DCDC2: variants seen among roughly 807,000 people sequenced by gnomAD.
The protein encoded by DCDC2 is doublecortin domain-containing protein 2.
A neutral mutation model predicts 50.2 loss-of-function variants in DCDC2; 40 were observed. That is an observed-to-expected ratio of 0.80 (90% CI 0.62 to 1.04). The LOEUF (loss-of-function observed/expected upper bound fraction) is 1.04. DCDC2 is among the 50% of genes least tolerant of loss of function. DCDC2 has a pLI of 0.00. For missense variants in DCDC2, 570 were observed against 581.9 expected (o/e 0.98, Z 0.21); for synonymous variants, 234 against 210.6 (o/e 1.11, Z -0.96).
the DCDC2 span, among the ~76,000 whole-genome samples, chr6:24,381,047 A>C: frequency 3.3e-5 from 5 of 151,646 alleles, no homozygotes; most frequent in Non-Finnish European, 7.4e-5. Flanking sequence ...ACACCACTGC[A>C]CTGCAGCCTG....
chr6:24,325,655 C>A (rs12211069), intron 2 of DCDC2, among the ~76,000 whole-genome samples: 1 of 148,940 alleles, frequency 6.7e-6, no homozygotes, highest in Non-Finnish European at 1.5e-5. Context: ...ATAGCAGGTG[C>A]AGTGGATTTT....
In DCDC2 at chr6:24,328,457, T is replaced by C. The variant is rs559969758; in HGVS notation, c.348+25112A>G. Among the ~76,000 whole-genome samples, 18 of 152,336 alleles carry C rather than the reference T, an allele frequency of 1.2e-4. No homozygotes were observed. In the South Asian group the frequency reaches 3.1e-3, roughly 26 times the overall value. On this transcript the variant is annotated intron_variant, in intron 2 of 9. Coordinates refer to ENST00000378454, the MANE Select transcript of DCDC2 (RefSeq NM_016356.5). The stretch of plus-strand genomic sequence containing the variant: ...TCTTAGGGCACAGGGGGAGTTTGTA[T>C]AGTTTGAATGTCCCAAGAGTTGAGA...
At chr6:24,185,015 A>G (rs937777959) in intron 8 of DCDC2, among the ~76,000 whole-genome samples, 11 of 152,214 alleles carry the variant, frequency 7.2e-5, no homozygotes, top group Non-Finnish European at 1.6e-4. Flanking sequence ...AATCACACCT[A>G]AATAAGAAAA....
intron 2 of DCDC2, among the ~76,000 whole-genome samples, chr6:24,333,362 C>T (rs186542346): frequency 1.4e-4 from 22 of 152,224 alleles, no homozygotes; most frequent in Admixed American, 8.5e-4. Context: ...AAAGGTATGA[C>T]GACCCCAGAA....
At chr6:24,272,095 G>A (rs909194285) in intron 7 of DCDC2, among the ~76,000 whole-genome samples, 4 of 151,868 alleles carry the variant, frequency 2.6e-5, no homozygotes, top group African/African-American at 4.8e-5. Context: ...AATCCTTTTC[G>A]AAAAAGGGCT....
intron 2 of DCDC2, among the ~76,000 whole-genome samples, chr6:24,311,260 T>A (rs1463617791): frequency 1.3e-5 from 2 of 152,194 alleles, no homozygotes; most frequent in East Asian, 1.9e-4. Context: ...AAAATGCAAA[T>A]CATTTTGTCT....
intron 2 of DCDC2, among the ~76,000 whole-genome samples, chr6:24,330,895 G>C (rs896841170): frequency 2.6e-5 from 4 of 152,162 alleles, no homozygotes; most frequent in Non-Finnish European, 5.9e-5. Flanking sequence ...TTAGAAACTA[G>C]GCATTTTTAT....
intron 8 of DCDC2, among the ~76,000 whole-genome samples, chr6:24,194,437 A>G (rs1173797942): frequency 1.3e-5 from 2 of 152,190 alleles, no homozygotes; most frequent in East Asian, 3.8e-4. Flanking sequence ...TACAAATAGG[A>G]AAAGCAATAA....
chr6:24,357,296 T>C (rs1302363927), intron 1 of DCDC2, 162 bp downstream of exon 1: 3 of 775,388 alleles, frequency 3.9e-6, no homozygotes. Context: ...TGTCAACCTC[T>C]ACCCCCCAAC....
rs982051900 is a variant in DCDC2, at chr6:24,310,603, T to C, written c.349-8559A>G. On this transcript the variant is annotated intron_variant, in intron 2 of 9. Coordinates refer to ENST00000378454, the MANE Select transcript of DCDC2 (RefSeq NM_016356.5). ...CATGCCATGTTGTTTATGACCAACA[T>C]CATTTTGCCAATGACAACCAAATCC... is the stretch of plus-strand genomic sequence containing the variant. Among the ~76,000 whole-genome samples the C allele has an allele frequency of 5.3e-5, 8 of 152,302 alleles. No individual in the cohort carries two copies. In the Middle Eastern group the frequency reaches 0.01, roughly 194 times the overall value.
At chr6:24,323,727 C>A (rs192750763) in intron 2 of DCDC2, among the ~76,000 whole-genome samples, 1 of 152,156 alleles carries the variant, frequency 6.6e-6, no homozygotes, top group East Asian at 1.9e-4. Context: ...AAAACTACCA[C>A]CTGAGGCAAC....
chr6:24,245,726 A>G (rs1762656325), intron 7 of DCDC2, among the ~76,000 whole-genome samples: 1 of 152,254 alleles, frequency 6.6e-6, no homozygotes, highest in South Asian at 2.1e-4. Context: ...GAACAGTAGA[A>G]AGAACAATTT....
chr6:24,352,078 T>C (rs1760383650), intron 2 of DCDC2, among the ~76,000 whole-genome samples: 1 of 152,172 alleles, frequency 6.6e-6, no homozygotes, highest in African/African-American at 2.4e-5. Flanking sequence ...CACTCCAGCC[T>C]GGGTGACAGA....
chr6:24,224,370 C>A (rs1363474447), intron 7 of DCDC2, among the ~76,000 whole-genome samples: 3 of 152,208 alleles, frequency 2.0e-5, no homozygotes, highest in African/African-American at 7.2e-5. Flanking sequence ...ACTGGGCACA[C>A]TATGTGTTCT....
chr6:24,265,914 T>C (rs1487537831), intron 7 of DCDC2, among the ~76,000 whole-genome samples: 4 of 149,874 alleles, frequency 2.7e-5, no homozygotes, highest in Non-Finnish European at 5.9e-5. Flanking sequence ...ATAAATGAAA[T>C]TGAAACAAAA....
intron 2 of DCDC2, among the ~76,000 whole-genome samples, chr6:24,320,291 T>C (rs1759747834): frequency 6.6e-6 from 1 of 152,140 alleles, no homozygotes; most frequent in South Asian, 2.1e-4. Flanking sequence ...ACTGGAGGTA[T>C]CAGTACAAAC....
intron 7 of DCDC2, among the ~76,000 whole-genome samples, chr6:24,267,790 C>T (rs1763156721): frequency 6.6e-6 from 1 of 152,206 alleles, no homozygotes; most frequent in African/African-American, 2.4e-5. Context: ...GGAACCCTTG[C>T]ACTGTACACT....
At chr6:24,356,907 A>G (rs1466846141) in intron 1 of DCDC2, 2 of 152,446 alleles carry the variant, frequency 1.3e-5, no homozygotes, top group African/African-American at 2.4e-5. Context: ...TTCCTGCATT[A>G]TGCTAACAGC....
intron 8 of DCDC2, among the ~76,000 whole-genome samples, chr6:24,182,128 G>C (rs1761086745): frequency 6.6e-6 from 1 of 152,182 alleles, no homozygotes; most frequent in Admixed American, 6.5e-5. Flanking sequence ...GAATGAAGTT[G>C]TATCCTTACC....
Sources: allele counts gnomAD v4.1 joint callset (sites outside exome capture counted in the v4.1 genomes callset), GRCh38; gene constraint gnomAD v4.1.1; transcripts MANE v1.5; gene names NCBI Gene and HGNC (gene_info 2026-07-23, HGNC 2026-07-21).